Variants in RIMS1 observed in about 807,000 individuals in gnomAD.
RIMS1 encodes the protein regulating synaptic membrane exocytosis 1, also known as regulating synaptic membrane exocytosis protein 1.
A neutral mutation model predicts 214.1 loss-of-function variants in RIMS1; 83 were observed. The observed-to-expected ratio is 0.39, with a 90% CI of 0.32 to 0.47. The LOEUF is 0.47. Among genes scored for constraint, RIMS1 ranks in the 20% least tolerant of loss-of-function variants. The pLI, the probability that RIMS1 is intolerant of heterozygous loss-of-function variation, is 0.99. For missense variants in RIMS1, 2,050 were observed against 2,161.8 expected, an observed-to-expected ratio of 0.95 and a Z score of 1.03; for synonymous variants, 793 against 786.8, an observed-to-expected ratio of 1.01 and a Z score of -0.13.
At chr6:72,025,177 A>G (rs1233654019) in intron 2 of RIMS1, among the ~76,000 whole-genome samples, 1 of 152,152 alleles carries the variant, frequency 6.6e-6, no homozygotes, top group Non-Finnish European at 1.5e-5. Flanking sequence ...TGCTGGGATT[A>G]CAGACATGAG....
intron 2 of RIMS1, among the ~76,000 whole-genome samples, chr6:72,047,762 C>T (rs1374903630): frequency 1.3e-5 from 2 of 152,180 alleles, no homozygotes; most frequent in Non-Finnish European, 2.9e-5. Flanking sequence ...AATTAGGTTA[C>T]TTTTAATATC....
intron 29 of RIMS1, among the ~76,000 whole-genome samples, chr6:72,342,781 AC>A: frequency 6.6e-6 from 1 of 151,930 alleles, no homozygotes; most frequent in East Asian, 1.9e-4. Flanking sequence ...GTTCCAGAGA[AC>A]AGAGGCGATA....
intron 4 of RIMS1, among the ~76,000 whole-genome samples, chr6:72,127,710 T>C (rs2039797016): frequency 6.6e-6 from 1 of 152,200 alleles, no homozygotes; most frequent in Non-Finnish European, 1.5e-5. Context: ...GAGGGAAATA[T>C]AATTAAAAAT....
chr6:72,323,272 AT>A (rs2096269889), intron 28 of RIMS1, among the ~76,000 whole-genome samples: 1 of 152,052 alleles, frequency 6.6e-6, no homozygotes, highest in South Asian at 2.1e-4. Context: ...TCTGATTAAA[AT>A]TTATGAGTCA....
In RIMS1 at chr6:72,182,399, C is replaced by G. The variant is rs758719701; in HGVS notation, c.928C>G (p.Arg310Gly). ...PVEGAVEERE[R>G]KERRESRRLE... ...GGAGGGGGCCGTCGAAGAACGGGAG[C>G]GCAAAGAAAGGCGGGAAAGCCGAAG... The change falls in exon 6 of 34, where the codon CGC becomes GGC. Residue 310 changes from arginine to glycine, a missense_variant. Around this residue, in one of 6 missense-constraint regions of RIMS1, gnomAD observed 882 missense variants for 828.9 expected, o/e 1.06. Coordinates refer to ENST00000521978, the MANE Select transcript of RIMS1 (RefSeq NM_014989.7). 5 of 1,613,652 alleles carry G rather than the reference C, an allele frequency of 3.1e-6. No homozygotes were observed. The highest frequency in any genetic ancestry group is 1.6e-4 in the Middle Eastern group (1 of 6,062).
In RIMS1 at chr6:72,362,381, T is replaced by C. The variant is rs9360553; in HGVS notation, c.4367-28217T>C. ...TCCCTTGCTCCAAGTCGGGACATCA[T>C]GGTATGGAGGAGATTATTTTACTTA... On this transcript the variant is annotated intron_variant, in intron 29 of 33. Coordinates refer to ENST00000521978, the MANE Select transcript of RIMS1 (RefSeq NM_014989.7). Among the ~76,000 whole-genome samples, 7 of 152,290 alleles carry C rather than the reference T, an allele frequency of 4.6e-5. No homozygotes were observed. The East Asian group carries it at 1.4e-3, about 29-fold the overall frequency.
intron 4 of RIMS1, among the ~76,000 whole-genome samples, chr6:72,159,629 C>T (rs1168664933): frequency 7.1e-6 from 1 of 140,726 alleles, no homozygotes; most frequent in Non-Finnish European, 1.6e-5. Context: ...TTTCCCAGCA[C>T]CATTTATTAA....
chr6:72,336,403 T>A (rs2096845516), intron 29 of RIMS1, among the ~76,000 whole-genome samples: 1 of 151,872 alleles, frequency 6.6e-6, no homozygotes, highest in Non-Finnish European at 1.5e-5. Context: ...TCAGTTATGG[T>A]CAGATGTTGA....
chr6:72,357,177 T>C (rs920575466), intron 29 of RIMS1, among the ~76,000 whole-genome samples: 5 of 152,214 alleles, frequency 3.3e-5, no homozygotes, highest in African/African-American at 1.2e-4. Context: ...ATGGAGCCTC[T>C]AGAGAAAATA....
Position 72,233,333 on chromosome 6 carries a change from G to A in RIMS1, c.1679-440G>A, listed in dbSNP as rs146235413. 4.4e-3 allele frequency among the ~76,000 whole-genome samples: 666 copies of A among 151,752 alleles called. 6 individuals are homozygous for A. The highest frequency in any genetic ancestry group is 0.016 in the African/African-American group (649 of 41,466). Reference sequence around the variant, plus strand: ...TTTTTAGTTGATGAGAGAAGATAAAGATCAGATAATAATTTTGAAAGATAT... The same window carrying A: ...TTTTTAGTTGATGAGAGAAGATAAAAATCAGATAATAATTTTGAAAGATAT... On this transcript the variant is annotated intron_variant, in intron 6 of 33. Coordinates refer to ENST00000521978, the MANE Select transcript of RIMS1 (RefSeq NM_014989.7).
intron 4 of RIMS1, among the ~76,000 whole-genome samples, chr6:72,153,642 T>C (rs905747277): frequency 3.3e-5 from 5 of 152,172 alleles, no homozygotes; most frequent in African/African-American, 1.2e-4. Context: ...ACCCCCAGTA[T>C]ACTTGCAGTC....
intron 3 of RIMS1, among the ~76,000 whole-genome samples, chr6:72,098,495 A>G (rs973805659): frequency 6.6e-6 from 1 of 151,912 alleles, no homozygotes; most frequent in African/African-American, 2.4e-5. Flanking sequence ...GGGTTTCACC[A>G]TGTTGACCAG....
At chr6:72,358,833 A>G (rs2097728881) in intron 29 of RIMS1, among the ~76,000 whole-genome samples, 1 of 152,196 alleles carries the variant, frequency 6.6e-6, no homozygotes. Context: ...GATCTGACAC[A>G]TCAGGCTCCA....
At chr6:72,004,892 A>G (rs1806830191) in intron 2 of RIMS1, among the ~76,000 whole-genome samples, 2 of 151,736 alleles carry the variant, frequency 1.3e-5, no homozygotes, top group South Asian at 4.2e-4. Context: ...CCATTTGTCA[A>G]TTTTGGCTTT....
chr6:72,241,386 G>A (rs1013081243), intron 9 of RIMS1, among the ~76,000 whole-genome samples: 2 of 152,170 alleles, frequency 1.3e-5, no homozygotes, highest in Non-Finnish European at 2.9e-5. Flanking sequence ...CCATTTTGAA[G>A]TGAAGAGTCT....
chr6:72,072,215 T>A (rs1830730892), intron 2 of RIMS1, among the ~76,000 whole-genome samples: 1 of 152,164 alleles, frequency 6.6e-6, no homozygotes, highest in Admixed American at 6.5e-5. Flanking sequence ...AGAGAATAAT[T>A]TTGTTGTATT....
At chr6:71,939,048 G>A (rs1785276948) in intron 1 of RIMS1, among the ~76,000 whole-genome samples, 1 of 152,090 alleles carries the variant, frequency 6.6e-6, no homozygotes, top group South Asian at 2.1e-4. Context: ...TGCTGTTTAG[G>A]TATTTCTTCT....
At chr6:71,975,832 G>C (rs1373606878) in intron 2 of RIMS1, among the ~76,000 whole-genome samples, 2 of 151,776 alleles carry the variant, frequency 1.3e-5, no homozygotes, top group Non-Finnish European at 2.9e-5. Context: ...ATATGTGTCT[G>C]TTTATATCTG....
intron 6 of RIMS1, among the ~76,000 whole-genome samples, chr6:72,215,466 T>A (rs2055479647): frequency 6.6e-6 from 1 of 152,226 alleles, no homozygotes; most frequent in African/African-American, 2.4e-5. Flanking sequence ...AAAACCAAGT[T>A]CAAATCCCAA....
Sources: allele counts gnomAD v4.1 joint callset (sites outside exome capture counted in the v4.1 genomes callset), GRCh38; gene constraint gnomAD v4.1.1; regional missense constraint gnomAD v4.1.1; transcripts MANE v1.5; gene names NCBI Gene and HGNC (gene_info 2026-07-23, HGNC 2026-07-21).